The following ATE1 variants were observed in gnomAD, a reference collection of about 807,000 sequenced individuals.
ATE1 encodes arginyltransferase 1.
Under a neutral mutation model 70.5 loss-of-function variants are expected in ATE1, and 36 were observed. That is an observed-to-expected ratio of 0.51 (90% CI 0.39 to 0.67). The LOEUF (loss-of-function observed/expected upper bound fraction) is 0.67, where lower values mean the gene tolerates loss of function less well. Ranked by LOEUF, ATE1 falls within the 30% of genes least tolerant of loss-of-function variation. The pLI is 0.00. For synonymous variants in ATE1, 232 were observed against 219.3 expected (o/e 1.06, Z -0.51); for missense variants, 593 against 629.5 (o/e 0.94, Z 0.62).
intron 11 of ATE1, among the ~76,000 whole-genome samples, chr10:121,768,872 A>C (rs1267442994): frequency 6.6e-6 from 1 of 152,102 alleles, no homozygotes; most frequent in East Asian, 1.9e-4. Context: ...TACATGCTGA[A>C]AACTACAAAC....
intron 11 of ATE1, among the ~76,000 whole-genome samples, chr10:121,783,828 C>A (rs772834735): frequency 6.6e-6 from 1 of 152,100 alleles, no homozygotes; most frequent in Non-Finnish European, 1.5e-5. Flanking sequence ...TAATTTACTA[C>A]AGAATTAAAT....
intron 10 of ATE1, among the ~76,000 whole-genome samples, chr10:121,827,906 A>G (rs978146613): frequency 1.3e-5 from 2 of 152,256 alleles, no homozygotes; most frequent in Non-Finnish European, 1.5e-5. Context: ...GCACAAGAAT[A>G]TAACTGCTAC....
At chr10:121,810,191 T>G (rs1034553265) in intron 10 of ATE1, among the ~76,000 whole-genome samples, 1 of 152,238 alleles carries the variant, frequency 6.6e-6, no homozygotes, top group Non-Finnish European at 1.5e-5. Flanking sequence ...TGTAAATTAT[T>G]TGGTTTTCTG....
At chr10:121,901,383 TAGTA>T (rs1385873377) in intron 6 of ATE1, among the ~76,000 whole-genome samples, 17 of 152,210 alleles carry the variant, frequency 1.1e-4, no homozygotes, top group Non-Finnish European at 1.6e-4. Flanking sequence ...TTTTAGATGA[TAGTA>T]AGCTACAAAA....
chr10:121,887,539 C>T (rs1340954147), intron 7 of ATE1, among the ~76,000 whole-genome samples: 1 of 151,526 alleles, frequency 6.6e-6, no homozygotes, highest in African/African-American at 2.4e-5. Context: ...CGCCCCCCTA[C>T]AAAAAAAAAT....
intron 11 of ATE1, among the ~76,000 whole-genome samples, chr10:121,783,872 G>T (rs1462763723): frequency 6.6e-6 from 1 of 152,026 alleles, no homozygotes; most frequent in African/African-American, 2.4e-5. Context: ...GGAACTGCTT[G>T]TTTGGGGGAA....
At chr10:121,785,099 T>C (rs1474526577) in intron 11 of ATE1, among the ~76,000 whole-genome samples, 1 of 152,150 alleles carries the variant, frequency 6.6e-6, no homozygotes, top group East Asian at 1.9e-4. Flanking sequence ...ACCATCTTTA[T>C]TGGCAACAAA....
intron 11 of ATE1, among the ~76,000 whole-genome samples, chr10:121,746,073 C>T (rs540535879): frequency 7.2e-4 from 110 of 152,188 alleles, no homozygotes; most frequent in Non-Finnish European, 1.5e-3. Context: ...CAGAATTACC[C>T]GCTTCCCCAG....
At chr10:121,900,311 C>CAAAT (rs945744911) in intron 6 of ATE1, among the ~76,000 whole-genome samples, 10 of 152,144 alleles carry the variant, frequency 6.6e-5, no homozygotes, top group South Asian at 2.1e-4. Context: ...CATACACACA[C>CAAAT]AAATAAATAC....
intron 10 of ATE1, among the ~76,000 whole-genome samples, chr10:121,829,580 G>A (rs1300351710): frequency 2.0e-5 from 3 of 151,658 alleles, no homozygotes; most frequent in African/African-American, 4.8e-5. Flanking sequence ...GTGGTGGTAC[G>A]CACCTGTAAT....
chr10:121,821,859 CAACA>C (rs1947812394), intron 10 of ATE1, among the ~76,000 whole-genome samples: 1 of 152,140 alleles, frequency 6.6e-6, no homozygotes, highest in African/African-American at 2.4e-5. Context: ...CCAGCCTGGG[CAACA>C]AACAAACAAA....
intron 11 of ATE1, among the ~76,000 whole-genome samples, chr10:121,772,412 T>G (rs1424190214): frequency 6.6e-6 from 1 of 152,224 alleles, no homozygotes; most frequent in African/African-American, 2.4e-5. Context: ...AAATGTGCTG[T>G]CTTGATCCAT....
intron 7 of ATE1, among the ~76,000 whole-genome samples, chr10:121,888,731 A>G (rs1950486905): frequency 6.6e-6 from 1 of 152,220 alleles, no homozygotes; most frequent in Non-Finnish European, 1.5e-5. Context: ...AGGAACTACT[A>G]AAATTCCCAC....
chr10:121,883,824 C>A (rs1950296150), intron 7 of ATE1, among the ~76,000 whole-genome samples: 1 of 151,942 alleles, frequency 6.6e-6, no homozygotes, highest in African/African-American at 2.4e-5. Context: ...GCACTGCAGA[C>A]TGGGGTGCGG....
chr10:121,884,497 G>A (rs1950320466), intron 7 of ATE1, among the ~76,000 whole-genome samples: 1 of 152,050 alleles, frequency 6.6e-6, no homozygotes, highest in Non-Finnish European at 1.5e-5. Flanking sequence ...ACCAAGGCAG[G>A]AGAGACTGCT....
At chr10:121,874,913 G>A (rs1949985403) in intron 7 of ATE1, among the ~76,000 whole-genome samples, 1 of 151,780 alleles carries the variant, frequency 6.6e-6, no homozygotes, top group Non-Finnish European at 1.5e-5. Flanking sequence ...GGCCAAGGCG[G>A]GTGGATCACG....
rs969374405 is a variant in ATE1 at position 121,915,533 on chromosome 10, T to C, written c.234-1640A>G. Among the ~76,000 whole-genome samples, 8 of 152,058 alleles carry C rather than the reference T, an allele frequency of 5.3e-5. 1 individual carries two copies. The highest frequency in any genetic ancestry group is 8.8e-5 in the Non-Finnish European group (6 of 68,020). ...AAGAAGGGCCCCTCCAGTTTGTCTG[T>C]GATGGATAAAAACAGACACATAGCC... On this transcript the variant is annotated intron_variant, in intron 3 of 11. Transcript: ENST00000224652.
chr10:121,846,071 G>A (rs1948807269), intron 8 of ATE1, among the ~76,000 whole-genome samples: 1 of 150,850 alleles, frequency 6.6e-6, no homozygotes, highest in Non-Finnish European at 1.5e-5. Context: ...CCAGAACTCA[G>A]GCAGGAAATA....
At chr10:121,762,522 C>T (rs772594972) in intron 11 of ATE1, among the ~76,000 whole-genome samples, 1 of 152,168 alleles carries the variant, frequency 6.6e-6, no homozygotes, top group Non-Finnish European at 1.5e-5. Flanking sequence ...CTGCCCACCC[C>T]CACCCCTGTG....
Sources: allele counts gnomAD v4.1 joint callset (sites outside exome capture counted in the v4.1 genomes callset), GRCh38; gene constraint gnomAD v4.1.1; transcripts MANE v1.5; gene names NCBI Gene and HGNC (gene_info 2026-07-23, HGNC 2026-07-21).